Variants in PIEZO1 observed in about 807,000 individuals in gnomAD.
PIEZO1 encodes piezo-type mechanosensitive ion channel component 1.
PIEZO1 carries 296 observed loss-of-function variants against 297.2 expected under a neutral mutation model. The ratio of observed to expected loss-of-function variants is 1.00; its 90% confidence interval spans 0.91 to 1.10. The LOEUF (loss-of-function observed/expected upper bound fraction) is 1.10. Ranked by LOEUF, PIEZO1 falls within the 50% of genes least tolerant of loss-of-function variation. PIEZO1 has a pLI of 0.00. For missense variants in PIEZO1, 5,018 were observed against 3,455.5 expected (o/e 1.45, Z -11.34); for synonymous variants, 2,427 against 1,507.5 (o/e 1.61, Z -14.13).
At position 88,737,913 on chromosome 16, in the gene PIEZO1, C is replaced by T. The variant is rs141303916; in HGVS notation, c.1020+21G>A. ...CCATGGCCTGGCCTCAGCCCACCCA[C>T]CATGGGTGGCAGGTGCTCACCTGGC... On this transcript the variant is annotated intron_variant, in intron 8 of 50. Coordinates refer to ENST00000301015, the MANE Select transcript of PIEZO1 (RefSeq NM_001142864.4). The T allele has an allele frequency of 5.3e-5, 81 of 1,530,198 alleles. No homozygotes were observed. In the African/African-American group the frequency reaches 8.9e-4, roughly 17 times the overall value. 94.8% of individuals were successfully genotyped at this position (1,530,198 alleles called of 1,614,324 possible).
chr16:88,738,484 G>C, intron 6 of PIEZO1, 44 bp from the exon 7 acceptor site: 1 of 1,528,542 alleles, frequency 6.5e-7, no homozygotes, highest in Non-Finnish European at 8.8e-7. Context: ...CCAGTGCCAT[G>C]TGTCCCGCTG....
At chr16:88,749,334 T>A (rs1906259705) in intron 2 of PIEZO1, 50 bp downstream of exon 2, 5 of 1,270,062 alleles carry the variant, frequency 3.9e-6, no homozygotes, top group Non-Finnish European at 5.2e-6. Flanking sequence ...CCCAAACGAA[T>A]GCCCACCCCC....
chr16:88,734,822 G>A (rs1905095062), intron 14 of PIEZO1, 24 bp from the exon 15 acceptor site: 1 of 1,550,204 alleles, frequency 6.5e-7, no homozygotes, highest in Non-Finnish European at 8.7e-7. Context: ...TGGGGGTGGT[G>A]AGGACCGCGG....
chr16:88,784,427 C>A (rs1908080168), intron 1 of PIEZO1, among the ~76,000 whole-genome samples: 1 of 152,038 alleles, frequency 6.6e-6, no homozygotes, highest in African/African-American at 2.4e-5. Flanking sequence ...CCAAATTAAA[C>A]AGCTCCAGGC....
rs887688743 is a variant in PIEZO1, at chr16:88,725,398, G to A, written c.4162+18C>T. ...GCTGGACACGGGGCCCTGGGTGCCC[G>A]ACTCCAGCTGCACTCACCTGGCTCC... On this transcript the variant is annotated intron_variant, in intron 29 of 50. Coordinates refer to ENST00000301015, the MANE Select transcript of PIEZO1 (RefSeq NM_001142864.4). 23 of 1,393,532 alleles carry A rather than the reference G, an allele frequency of 1.7e-5. No homozygotes were observed. The highest frequency in any genetic ancestry group is 5.8e-5 in the African/African-American group (4 of 68,700). 86.3% of individuals were successfully genotyped at this position (1,393,532 alleles called of 1,614,324 possible). A position where few individuals can be genotyped will look rare whatever the true frequency, so the allele number is the denominator to read the frequency against.
intron 1 of PIEZO1, among the ~76,000 whole-genome samples, chr16:88,757,307 G>A (rs1054685379): frequency 8.6e-6 from 1 of 115,812 alleles, no homozygotes; most frequent in Non-Finnish European, 1.8e-5. Context: ...GGTATGCAGG[G>A]GGCGTTGCTG....
Position 88,726,913 on chromosome 16 carries a change from G to A in PIEZO1, c.3501C>T (p.Phe1167=), listed in dbSNP as rs1300995377. The A allele has an allele frequency of 2.6e-5, 40 of 1,550,370 alleles. No individual in the cohort carries two copies. The highest frequency in any genetic ancestry group is 2.3e-4 in the South Asian group (19 of 84,056). Residue 1167 remains phenylalanine, a synonymous_variant, in exon 25 of 51, where the codon TTC becomes TTT. Coordinates refer to ENST00000301015, the MANE Select transcript of PIEZO1 (RefSeq NM_001142864.4). ...CAAACACCACCACCAGCACCAGCCA[G>A]AACAGGTATCGGAAGACGGCCACCT... ...MLKVAVFRYL[F]WLVLVVVFVT... is the part of the protein sequence containing the mutation.
At position 88,729,821 on chromosome 16, in the gene PIEZO1, C is replaced by T. The variant is rs201151680; in HGVS notation, c.3196+1885G>A. On this transcript the variant is annotated intron_variant, in intron 22 of 50. Coordinates refer to ENST00000301015, the MANE Select transcript of PIEZO1 (RefSeq NM_001142864.4). ...GCCCCATCTGCCACAGAGGGAACCTCGCGACCCAAAAACAAAGTGACCCTC... is the reference window on the plus strand; with the variant it reads ...GCCCCATCTGCCACAGAGGGAACCTTGCGACCCAAAAACAAAGTGACCCTC... 1.0e-3 allele frequency among the ~76,000 whole-genome samples: 149 copies of T among 147,612 alleles called. 1 individual carries two copies. Among genetic ancestry groups the T allele is most frequent in the African/African-American group, 3.2e-3 (128 of 39,580 alleles).
intron 10 of PIEZO1, 154 bp downstream of exon 10, chr16:88,737,405 T>C: frequency 1.4e-5 from 8 of 577,682 alleles, no homozygotes; most frequent in South Asian, 4.2e-5. Context: ...CGGGGGTCAC[T>C]GACACCGACC....
At position 88,760,194 on chromosome 16, in the gene PIEZO1, T is replaced by A. The variant is rs185932884; in HGVS notation, c.65-10715A>T. Among the ~76,000 whole-genome samples, 110 of 152,082 alleles carry A rather than the reference T, an allele frequency of 7.2e-4. No individual in the cohort carries two copies. In the East Asian group the frequency reaches 0.014, roughly 20 times the overall value. On this transcript the variant is annotated intron_variant, in intron 1 of 50. Transcript: ENST00000301015. The stretch of plus-strand genomic sequence containing the variant: ...CAGTGACAGTGACCCCGGCCGTGGC[T>A]ACAGACGGCTGAGCCACGGGCTCCG...
rs34655152 is a variant in PIEZO1 at position 88,716,881 on chromosome 16, G to A, written c.6678C>T (p.Ser2226=). 26,276 of 1,549,846 alleles carry A rather than the reference G, an allele frequency of 0.017. 543 individuals are homozygous for A. The highest frequency in any genetic ancestry group is 0.072 in the South Asian group (6,087 of 84,062). ...LGGYEPLFTM[S]AQQPSIIPFT... ...AGGGGATGATGGACGGCTGCTGGGC[G>A]CTCATGGTGAACAGCGGCTGGGGCA... Residue 2226 remains serine, a synonymous_variant, in exon 46 of 51, where the codon AGC becomes AGT. Coordinates refer to ENST00000301015, the MANE Select transcript of PIEZO1 (RefSeq NM_001142864.4).
At chr16:88,754,239 G>A (rs77810208) in intron 1 of PIEZO1, among the ~76,000 whole-genome samples, 10 of 152,146 alleles carry the variant, frequency 6.6e-5, no homozygotes, top group African/African-American at 2.2e-4. Context: ...CCCCACGGTA[G>A]CTGCTGGGCC....
intron 27 of PIEZO1, 191 bp downstream of exon 27, chr16:88,726,093 C>A (rs1317327725): frequency 8.3e-6 from 5 of 603,322 alleles, no homozygotes; most frequent in Non-Finnish European, 1.5e-5. Flanking sequence ...CTGACAGACC[C>A]AGCACTGGGG....
At position 88,716,602 on chromosome 16, in the gene PIEZO1, C is replaced by T. The variant is rs568552611; in HGVS notation, c.6883G>A (p.Gly2295Ser). The change falls in exon 47 of 51, where the codon GGC becomes AGC. Residue 2295 changes from glycine to serine, a missense_variant. Coordinates refer to ENST00000301015, the MANE Select transcript of PIEZO1 (RefSeq NM_001142864.4). ...AAGCGCAGGGTGATGTCGGCCGTGC[C>T]GTTGTAGAGCTCCCGCTTCATCTGG... ...RAQMKRELYN[G>S]TADITLRFTW... 77 of 1,549,028 alleles carry T rather than the reference C, an allele frequency of 5.0e-5. No individual in the cohort carries two copies. The highest frequency in any genetic ancestry group is 7.1e-5 in the South Asian group (6 of 83,918).
At chr16:88,719,372 T>G in intron 44 of PIEZO1, 4 of 587,330 alleles carry the variant, frequency 6.8e-6, no homozygotes, top group Non-Finnish European at 1.2e-5. Context: ...CGCTGCCCAC[T>G]TCTGCGCCCA....
At chr16:88,772,752 C>T (rs1179207588) in intron 1 of PIEZO1, among the ~76,000 whole-genome samples, 1 of 145,520 alleles carries the variant, frequency 6.9e-6, no homozygotes, top group Non-Finnish European at 1.5e-5. Flanking sequence ...GCATTCCAGC[C>T]TGGCCAAAGA....
intron 1 of PIEZO1, among the ~76,000 whole-genome samples, chr16:88,777,826 C>G (rs950480970): frequency 5.9e-5 from 9 of 152,144 alleles, no homozygotes; most frequent in Non-Finnish European, 1.2e-4. Context: ...TGAGGCCCCT[C>G]CAGGGCAGGC....
rs1912326112 is a variant in PIEZO1 at position 88,720,153 on chromosome 16, A to G, written c.6080T>C (p.Val2027Ala). 6.4e-7 allele frequency: 1 copy of G among 1,550,496 alleles called. No homozygotes were observed. Among genetic ancestry groups the G allele is most frequent in the South Asian group, 1.2e-5 (1 of 84,068 alleles). The change falls in exon 42 of 51, where the codon GTG becomes GCG. Residue 2027 changes from valine (V) to alanine (A), a missense_variant. Transcript: ENST00000301015. ...VDRALYLRKT[V>A]LGKLAFQVAL... ...CACCTGGAAGGCCAGCTTGCCCAGC[A>G]CGGTCTTGCGCAGGTAGAGGGCGCG...
intron 12 of PIEZO1, 62 bp from the exon 13 acceptor site, chr16:88,735,308 G>T (rs1262387349): frequency 1.8e-5 from 22 of 1,211,794 alleles, no homozygotes; most frequent in African/African-American, 4.6e-5. Context: ...CACAGCCGGG[G>T]GACCCAGCAC....
Sources: gnomAD v4.1 joint callset for allele counts (sites outside exome capture counted in the v4.1 genomes callset) on GRCh38, gnomAD v4.1.1 for gene constraint, MANE v1.5 for transcripts, NCBI Gene and HGNC (gene_info 2026-07-23, HGNC 2026-07-21) for gene names.